The following CDIN1 variants were observed in gnomAD, a reference collection of about 807,000 sequenced individuals.
The protein encoded by CDIN1 is CDAN1-interacting nuclease 1.
Under a neutral mutation model 45.3 loss-of-function variants are expected in CDIN1, and 33 were observed. The observed-to-expected ratio is 0.73, with a 90% confidence interval of 0.55 to 0.97. CDIN1 has a LOEUF of 0.97. Among genes scored for constraint, CDIN1 ranks in the 50% least tolerant of loss-of-function variants. The pLI, the probability that CDIN1 is intolerant of heterozygous loss-of-function variation, is 0.00. For missense variants in CDIN1, 303 were observed against 339.4 expected, an observed-to-expected ratio of 0.89 and a Z score of 0.84; for synonymous variants, 118 against 124.4, an observed-to-expected ratio of 0.95 and a Z score of 0.34.
At chr15:36,803,510 A>T (rs1337863044) in intron 10 of CDIN1, among the ~76,000 whole-genome samples, 1 of 152,144 alleles carries the variant, frequency 6.6e-6, no homozygotes, top group Non-Finnish European at 1.5e-5. Context: ...CATTGGTTCA[A>T]TTTTTTAAAA....
intron 1 of CDIN1, chr15:36,641,596 C>T (rs2040110239): frequency 6.6e-6 from 1 of 152,076 alleles, no homozygotes; most frequent in Admixed American, 6.5e-5. Flanking sequence ...TAAATGACTG[C>T]CTTTTTGATT....
chr15:36,697,494 C>T (rs2042476766), intron 8 of CDIN1, 104 bp downstream of exon 8: 2 of 912,332 alleles, frequency 2.2e-6, no homozygotes, highest in Non-Finnish European at 3.3e-6. Flanking sequence ...ATGATTGATG[C>T]TGTGCATATT....
intron 10 of CDIN1, among the ~76,000 whole-genome samples, chr15:36,713,319 G>A (rs1301998080): frequency 6.6e-6 from 1 of 152,136 alleles, no homozygotes; most frequent in Non-Finnish European, 1.5e-5. Context: ...CCCTCCATCT[G>A]CCATTCCAGT....
intron 1 of CDIN1, among the ~76,000 whole-genome samples, chr15:36,642,250 A>C (rs1317773738): frequency 6.6e-6 from 1 of 152,064 alleles, no homozygotes; most frequent in African/African-American, 2.4e-5. Context: ...TGGTCAGAAC[A>C]CTCTTCTATA....
chr15:36,633,097 T>G (rs982369091), intron 1 of CDIN1, among the ~76,000 whole-genome samples: 2 of 152,230 alleles, frequency 1.3e-5, no homozygotes, highest in African/African-American at 4.8e-5. Context: ...AATTTTGTCC[T>G]TCTTTTCTTT....
At chr15:36,607,985 C>A (rs79574685) in intron 1 of CDIN1, among the ~76,000 whole-genome samples, 1 of 152,108 alleles carries the variant, frequency 6.6e-6, no homozygotes, top group South Asian at 2.1e-4. Context: ...TTTAACGTAG[C>A]GTAATGTTTT....
Position 36,602,822 on chromosome 15 carries a change from A to T in CDIN1, c.101+22861A>T, listed in dbSNP as rs183761385. Among the ~76,000 whole-genome samples the T allele has an allele frequency of 1.6e-3, 250 of 152,146 alleles. 1 individual carries two copies. The highest frequency in any genetic ancestry group is 4.3e-3 in the African/African-American group (179 of 41,526). On this transcript the variant is annotated intron_variant, in intron 1 of 10. Transcript: ENST00000566621. Reference sequence around the variant, plus strand: ...TGAAACCCCGTCTCTACTAAAAAAAAATATATATACAAAAAATGAGCCAGG... The same window carrying T: ...TGAAACCCCGTCTCTACTAAAAAAATATATATATACAAAAAATGAGCCAGG...
intron 1 of CDIN1, among the ~76,000 whole-genome samples, chr15:36,583,972 C>T (rs1341404697): frequency 4.6e-5 from 7 of 152,088 alleles, no homozygotes; most frequent in Middle Eastern, 3.4e-3. Flanking sequence ...GCTGAGATGG[C>T]GCCACTGCAC....
chr15:36,591,306 A>G (rs867588574), intron 1 of CDIN1, among the ~76,000 whole-genome samples: 1 of 152,148 alleles, frequency 6.6e-6, no homozygotes, highest in African/African-American at 2.4e-5. Flanking sequence ...TTACACTGCT[A>G]TTTGTTTTTG....
Position 36,645,262 on chromosome 15 carries a change from G to A in CDIN1, c.187G>A (p.Glu63Lys). The A allele has an allele frequency of 1.9e-6, 3 of 1,553,252 alleles. No individual in the cohort carries two copies. The highest frequency in any genetic ancestry group is 1.7e-4 in the Middle Eastern group (1 of 5,730). Residue 63 changes from glutamate to lysine, a missense_variant, in exon 3 of 11, where the codon GAA becomes AAA. Transcript: ENST00000566621. ...KRTHAKHHTS[E>K]AIESYYQRYL... ...AACACATGCCAAACATCATACTTCG[G>A]AAGCAATTGAAAGTTATTACCAGAG... is the stretch of plus-strand genomic sequence containing the variant.
At chr15:36,638,101 T>A in intron 1 of CDIN1, among the ~76,000 whole-genome samples, 1 of 152,182 alleles carries the variant, frequency 6.6e-6, no homozygotes. Context: ...TTATTTCCAA[T>A]AAAAATAATT....
chr15:36,667,330 A>G (rs2041285307), intron 5 of CDIN1, among the ~76,000 whole-genome samples: 1 of 152,224 alleles, frequency 6.6e-6, no homozygotes, highest in South Asian at 2.1e-4. Flanking sequence ...CTTTGTAAAA[A>G]GGAGCCTTAA....
intron 10 of CDIN1, among the ~76,000 whole-genome samples, chr15:36,758,723 A>G (rs565794313): frequency 1.6e-3 from 238 of 152,318 alleles, no homozygotes; most frequent in African/African-American, 5.4e-3. Context: ...TGTTGTCTGA[A>G]GAAGAAAGTG....
At chr15:36,796,232 G>T (rs2054792335) in intron 10 of CDIN1, among the ~76,000 whole-genome samples, 1 of 152,126 alleles carries the variant, frequency 6.6e-6, no homozygotes, top group Admixed American at 6.5e-5. Context: ...AGGCAACAAT[G>T]AACATATACA....
chr15:36,631,187 A>T (rs955023396), intron 1 of CDIN1, among the ~76,000 whole-genome samples: 1 of 152,218 alleles, frequency 6.6e-6, no homozygotes, highest in Non-Finnish European at 1.5e-5. Context: ...TGTATTTATA[A>T]TGGAAAAAAT....
chr15:36,722,303 A>ATCTCTCTTCTC (rs2043448677), intron 10 of CDIN1, among the ~76,000 whole-genome samples: 1 of 140,688 alleles, frequency 7.1e-6, no homozygotes, highest in Non-Finnish European at 1.5e-5. Flanking sequence ...TTCTTTTGAG[A>ATCTCTCTTCTC]TCTCTCTCTC....
chr15:36,792,703 T>C (rs2054677066), intron 10 of CDIN1, among the ~76,000 whole-genome samples: 1 of 152,190 alleles, frequency 6.6e-6, no homozygotes, highest in Non-Finnish European at 1.5e-5. Context: ...CAGCACAAAG[T>C]AAATATTTAG....
intron 8 of CDIN1, among the ~76,000 whole-genome samples, chr15:36,702,778 C>T (rs1287824903): frequency 6.6e-6 from 1 of 152,090 alleles, no homozygotes; most frequent in Non-Finnish European, 1.5e-5. Context: ...GGGTTCTGCT[C>T]TTTTCTGTGT....
intron 8 of CDIN1, chr15:36,705,709 G>C (rs934608906): frequency 1.6e-4 from 24 of 152,052 alleles, no homozygotes; most frequent in African/African-American, 5.6e-4. Context: ...TATTAATTTT[G>C]ATAATGAGCA....
Sources: allele counts gnomAD v4.1 joint callset (sites outside exome capture counted in the v4.1 genomes callset), GRCh38; gene constraint gnomAD v4.1.1; transcripts MANE v1.5; gene names NCBI Gene and HGNC (gene_info 2026-07-23, HGNC 2026-07-21).